ZNG1F: variants seen among roughly 807,000 people sequenced by gnomAD.
The protein encoded by ZNG1F is Zn regulated GTPase metalloprotein activator 1F.
At chr9:41,201,160 T>A in the ZNG1F span, among the ~76,000 whole-genome samples, 2 of 144,904 alleles carry the variant, frequency 1.4e-5, no homozygotes, top group Non-Finnish European at 3.0e-5. Flanking sequence ...AAGCAATTTG[T>A]TCATAAGTAT....
chr9:41,153,723 CA>C, the ZNG1F span, among the ~76,000 whole-genome samples: 1 of 126,304 alleles, frequency 7.9e-6, no homozygotes, highest in Non-Finnish European at 1.7e-5. Context: ...ACATGTAATC[CA>C]GCATATAAAC....
chr9:41,181,990 GAACATTA>G, the ZNG1F span, among the ~76,000 whole-genome samples: 2 of 86,648 alleles, frequency 2.3e-5, no homozygotes, highest in African/African-American at 1.2e-4. Flanking sequence ...TAAGGGACTT[GAACATTA>G]ATAGATTTTG....
At chr9:41,132,028 A>G in the ZNG1F span, 1 of 1,221,912 alleles carries the variant, frequency 8.2e-7, no homozygotes, top group Non-Finnish European at 1.1e-6. Flanking sequence ...TGGATTAACC[A>G]CTTTTCTAAA....
At chr9:41,150,263 A>G in the ZNG1F span, among the ~76,000 whole-genome samples, 4 of 149,444 alleles carry the variant, frequency 2.7e-5, no homozygotes, top group African/African-American at 7.4e-5. Flanking sequence ...CGCTTTTCTG[A>G]CGGGCTTAAA....
At chr9:41,166,451 T>C in the ZNG1F span, among the ~76,000 whole-genome samples, 6 of 118,820 alleles carry the variant, frequency 5.0e-5, no homozygotes, top group African/African-American at 1.2e-4. Context: ...TATACATATA[T>C]ATATATATAT....
chr9:41,204,882 T>G, the ZNG1F span, among the ~76,000 whole-genome samples: 1 of 148,114 alleles, frequency 6.8e-6, no homozygotes, highest in Non-Finnish European at 1.5e-5. Flanking sequence ...ATTAATAATT[T>G]TATGAGTTAT....
chr9:41,145,308 C>A, the ZNG1F span: 3 of 390,690 alleles, frequency 7.7e-6, no homozygotes, highest in Non-Finnish European at 1.3e-5. Context: ...GTGTTCCTGG[C>A]ACATGCTGAA....
chr9:41,157,431 T>G, the ZNG1F span: 1 of 133,600 alleles, frequency 7.5e-6, no homozygotes, highest in African/African-American at 3.0e-5. Context: ...ACCACTGCAC[T>G]CCAGCCTGGC....
the ZNG1F span, among the ~76,000 whole-genome samples, chr9:41,154,980 T>C: frequency 1.5e-4 from 22 of 150,102 alleles, no homozygotes; most frequent in East Asian, 3.4e-3. Flanking sequence ...AAAGCAATGG[T>C]AACAAAAGCC....
the ZNG1F span, among the ~76,000 whole-genome samples, chr9:41,155,271 C>T: frequency 2.0e-5 from 3 of 150,462 alleles, no homozygotes; most frequent in Admixed American, 2.0e-4. Flanking sequence ...CCATCTCTGG[C>T]CATCAGAGAA....
the ZNG1F span, among the ~76,000 whole-genome samples, chr9:41,201,198 T>G: frequency 1.0e-4 from 15 of 147,010 alleles, no homozygotes; most frequent in African/African-American, 3.5e-4. Context: ...CAGTAAAAAT[T>G]AACAAAAACA....
the ZNG1F span, among the ~76,000 whole-genome samples, chr9:41,181,198 GA>G: frequency 6.9e-6 from 1 of 145,018 alleles, no homozygotes; most frequent in Non-Finnish European, 1.5e-5. Flanking sequence ...TTCTTCCTCT[GA>G]AAAGCTGAAT....
At chr9:41,155,350 A>G in the ZNG1F span, among the ~76,000 whole-genome samples, 2 of 149,404 alleles carry the variant, frequency 1.3e-5, no homozygotes, top group Admixed American at 6.8e-5. Context: ...AAAAGTCAGG[A>G]AACAACAGGT....
chr9:41,183,134 T>C, the ZNG1F span, among the ~76,000 whole-genome samples: 1 of 132,880 alleles, frequency 7.5e-6, no homozygotes, highest in Non-Finnish European at 1.6e-5. Context: ...GTAACTCTTC[T>C]AGGGTCTATG....
chr9:41,133,597 GACCA>G, the ZNG1F span: 1 of 1,485,870 alleles, frequency 6.7e-7, no homozygotes, highest in East Asian at 2.3e-5. Flanking sequence ...ATTTTAATAA[GACCA>G]ACCATCGCTA....
chr9:41,154,805 C>A, the ZNG1F span, among the ~76,000 whole-genome samples: 30 of 150,098 alleles, frequency 2.0e-4, 1 homozygote, highest in East Asian at 1.2e-3. Context: ...AGCCATATGT[C>A]GAAAGCTGAA....
At chr9:41,165,008 T>C in the ZNG1F span, 1 of 1,587,734 alleles carries the variant, frequency 6.3e-7, no homozygotes, top group Non-Finnish European at 8.5e-7. Flanking sequence ...TACCTAAGTG[T>C]CGTTCTTAAT....
chr9:41,141,077 C>T, the ZNG1F span, among the ~76,000 whole-genome samples: 2 of 150,266 alleles, frequency 1.3e-5, no homozygotes, highest in Non-Finnish European at 3.0e-5. Flanking sequence ...ATATTTTTGA[C>T]TTAATATTTT....
chr9:41,154,945 C>G, the ZNG1F span, among the ~76,000 whole-genome samples: 1 of 145,740 alleles, frequency 6.9e-6, no homozygotes, highest in South Asian at 2.3e-4. Context: ...TAGGCATGGG[C>G]AAGGACTTCA....
Sources: allele counts gnomAD v4.1 joint callset (sites outside exome capture counted in the v4.1 genomes callset), GRCh38; gene constraint gnomAD v4.1.1; transcripts MANE v1.5; gene names NCBI Gene and HGNC (gene_info 2026-07-23, HGNC 2026-07-21).